L3MBTL4: variants seen among roughly 807,000 people sequenced by gnomAD.
L3MBTL4 encodes the protein lethal(3)malignant brain tumor-like protein 4.
Under a neutral mutation model 84.5 loss-of-function variants are expected in L3MBTL4, and 70 were observed. That is an observed-to-expected ratio of 0.83 (90% CI 0.68 to 1.01). The LOEUF is 1.01. Ranked by LOEUF, L3MBTL4 falls within the 50% of genes least tolerant of loss-of-function variation. L3MBTL4 has a pLI of 0.00. For missense variants in L3MBTL4, 715 were observed against 754.8 expected (o/e 0.95, Z 0.62); for synonymous variants, 274 against 259.8 (o/e 1.05, Z -0.52).
At chr18:6,033,117 C>G (rs2055920015) in intron 16 of L3MBTL4, among the ~76,000 whole-genome samples, 1 of 152,048 alleles carries the variant, frequency 6.6e-6, no homozygotes, top group African/African-American at 2.4e-5. Flanking sequence ...TCTACTTCTC[C>G]CTTCCATTCT....
chr18:5,958,035 G>GAGGAGGAGGAGAAGGAGA, intron 18 of L3MBTL4, among the ~76,000 whole-genome samples: 1 of 138,674 alleles, frequency 7.2e-6, no homozygotes, highest in Non-Finnish European at 1.5e-5. Flanking sequence ...GAAAGAGGAG[G>GAGGAGGAGGAGAAGGAGA]AGGAGGAGGA....
chr18:6,222,440 C>G, intron 10 of L3MBTL4, among the ~76,000 whole-genome samples: 1 of 152,118 alleles, frequency 6.6e-6, no homozygotes, highest in Non-Finnish European at 1.5e-5. Context: ...CACCAGAAAA[C>G]AACCTATCTG....
At chr18:6,106,235 C>T (rs766764249) in intron 14 of L3MBTL4, among the ~76,000 whole-genome samples, 1 of 152,176 alleles carries the variant, frequency 6.6e-6, no homozygotes, top group Non-Finnish European at 1.5e-5. Flanking sequence ...AGATTTTTCT[C>T]TGAAGACATT....
Position 6,410,440 on chromosome 18 carries a change from T to C in L3MBTL4, c.-91+4361A>G, listed in dbSNP as rs570711351. ...GAAGGCAAGCGTCATGTCGGCATAG[T>C]CACCCCCATACACACAGTGGACACC... On this transcript the variant is annotated intron_variant, in intron 1 of 18. Transcript: ENST00000317931. Among the ~76,000 whole-genome samples the C allele has an allele frequency of 2.0e-5, 3 of 152,196 alleles. No individual in the cohort carries two copies. In the South Asian group the frequency reaches 6.2e-4, roughly 32 times the overall value.
intron 10 of L3MBTL4, among the ~76,000 whole-genome samples, chr18:6,234,296 A>C (rs1324704515): frequency 6.6e-6 from 1 of 152,222 alleles, no homozygotes; most frequent in African/African-American, 2.4e-5. Flanking sequence ...CAATGGCAAC[A>C]AAAGCCAAAA....
At chr18:6,074,561 T>G (rs191352846) in intron 16 of L3MBTL4, among the ~76,000 whole-genome samples, 7 of 152,342 alleles carry the variant, frequency 4.6e-5, no homozygotes, top group Non-Finnish European at 1.0e-4. Flanking sequence ...ATTTGTAAAC[T>G]AAAGAGCCAG....
intron 16 of L3MBTL4, among the ~76,000 whole-genome samples, chr18:5,988,393 T>C (rs1280288754): frequency 6.6e-6 from 1 of 152,236 alleles, no homozygotes; most frequent in African/African-American, 2.4e-5. Flanking sequence ...TATTCAGATC[T>C]TGCTCATCTC....
At chr18:6,213,640 G>A (rs2046206124) in intron 11 of L3MBTL4, among the ~76,000 whole-genome samples, 1 of 152,164 alleles carries the variant, frequency 6.6e-6, no homozygotes, top group Non-Finnish European at 1.5e-5. Context: ...TTGAACCCTT[G>A]ACCTCAGGTG....
chr18:6,210,033 G>C (rs901786963), intron 12 of L3MBTL4, among the ~76,000 whole-genome samples: 2 of 152,164 alleles, frequency 1.3e-5, no homozygotes, highest in Admixed American at 1.3e-4. Context: ...ATGGGTACAA[G>C]GTTGCTTTCT....
At chr18:5,977,526 A>G (rs1029522581) in intron 16 of L3MBTL4, among the ~76,000 whole-genome samples, 2 of 152,210 alleles carry the variant, frequency 1.3e-5, no homozygotes, top group Admixed American at 1.3e-4. Context: ...TGATTGGCAA[A>G]CACAGTAGCA....
intron 4 of L3MBTL4, among the ~76,000 whole-genome samples, chr18:6,269,676 TCA>T (rs1227629116): frequency 1.3e-5 from 2 of 152,220 alleles, no homozygotes; most frequent in Non-Finnish European, 2.9e-5. Context: ...ATCGTTATGA[TCA>T]CACATTACTT....
intron 16 of L3MBTL4, among the ~76,000 whole-genome samples, chr18:5,997,827 G>T (rs899936687): frequency 6.6e-6 from 1 of 151,998 alleles, no homozygotes; most frequent in African/African-American, 2.4e-5. Context: ...CAGATATTTT[G>T]AGTTCACAAG....
At chr18:6,325,207 T>A (rs1327903784) in intron 1 of L3MBTL4, among the ~76,000 whole-genome samples, 1 of 152,102 alleles carries the variant, frequency 6.6e-6, no homozygotes, top group East Asian at 1.9e-4. Context: ...ATGAAAACAA[T>A]TATCAACAGG....
At chr18:6,140,826 G>A (rs2060175416) in intron 13 of L3MBTL4, among the ~76,000 whole-genome samples, 1 of 151,910 alleles carries the variant, frequency 6.6e-6, no homozygotes, top group Non-Finnish European at 1.5e-5. Flanking sequence ...CTTAGCTGCT[G>A]TTCCCTGCTT....
At chr18:6,189,711 T>C (rs1409013982) in intron 12 of L3MBTL4, among the ~76,000 whole-genome samples, 3 of 152,090 alleles carry the variant, frequency 2.0e-5, no homozygotes, top group Non-Finnish European at 4.4e-5. Context: ...AAATGGATAT[T>C]CCAGAATTTA....
chr18:6,133,647 GC>G (rs2059943517), intron 14 of L3MBTL4, among the ~76,000 whole-genome samples: 2 of 152,262 alleles, frequency 1.3e-5, no homozygotes, highest in Admixed American at 1.3e-4. Flanking sequence ...GGCGGGAAAG[GC>G]CCCCTACCCC....
chr18:6,106,284 T>C (rs1438347396), intron 14 of L3MBTL4, among the ~76,000 whole-genome samples: 1 of 152,226 alleles, frequency 6.6e-6, no homozygotes, highest in African/African-American at 2.4e-5. Context: ...GCACAATGCC[T>C]TGTACATACT....
intron 16 of L3MBTL4, among the ~76,000 whole-genome samples, chr18:6,042,328 G>A (rs2145724868): frequency 6.6e-6 from 1 of 151,910 alleles, no homozygotes; most frequent in East Asian, 1.9e-4. Flanking sequence ...AACACTAAGT[G>A]CCCTCACTTA....
At chr18:6,202,819 G>A (rs1238108584) in intron 12 of L3MBTL4, among the ~76,000 whole-genome samples, 1 of 152,142 alleles carries the variant, frequency 6.6e-6, no homozygotes, top group Non-Finnish European at 1.5e-5. Context: ...AAAAATTAAC[G>A]TAGACATACA....
Sources: allele counts gnomAD v4.1 joint callset (sites outside exome capture counted in the v4.1 genomes callset), GRCh38; gene constraint gnomAD v4.1.1; transcripts MANE v1.5; gene names NCBI Gene and HGNC (gene_info 2026-07-23, HGNC 2026-07-21).